Variants in PKIA observed in about 807,000 individuals in gnomAD.
PKIA encodes the protein cAMP-dependent protein kinase inhibitor alpha.
A neutral mutation model predicts 7.6 loss-of-function variants in PKIA; 4 were observed. The observed-to-expected ratio is 0.52, with a 90% CI of 0.26 to 1.20. The LOEUF (loss-of-function observed/expected upper bound fraction) is 1.20, where lower values mean the gene tolerates loss of function less well. Among genes scored for constraint, PKIA ranks in the 50% most tolerant of loss-of-function variants. The pLI is 0.13. For missense variants in PKIA, 73 were observed against 86.2 expected (o/e 0.85, Z 0.61); for synonymous variants, 21 against 30.7 (o/e 0.68, Z 1.04).
At chr8:78,597,616 T>G (rs932526993) in intron 2 of PKIA, among the ~76,000 whole-genome samples, 1 of 152,116 alleles carries the variant, frequency 6.6e-6, no homozygotes, top group Admixed American at 6.6e-5. Context: ...CTCTCTGGAG[T>G]TGAAGAATGA....
At chr8:78,532,712 G>T (rs1806418865) in intron 1 of PKIA, among the ~76,000 whole-genome samples, 1 of 151,896 alleles carries the variant, frequency 6.6e-6, no homozygotes, top group Admixed American at 6.6e-5. Context: ...ATCAAGACCA[G>T]CCTGGCCAAC....
intron 2 of PKIA, among the ~76,000 whole-genome samples, chr8:78,582,447 C>A (rs1807835151): frequency 6.6e-6 from 1 of 152,110 alleles, no homozygotes; most frequent in African/African-American, 2.4e-5. Context: ...CACTCACTAT[C>A]ACGAGAACAG....
chr8:78,555,345 G>GT (rs958630001), intron 1 of PKIA, among the ~76,000 whole-genome samples: 9 of 148,566 alleles, frequency 6.1e-5, no homozygotes, highest in African/African-American at 1.8e-4. Context: ...TCAGACTGAG[G>GT]TAAAAAAAAA....
chr8:78,537,257 T>C (rs1185959066), intron 1 of PKIA, among the ~76,000 whole-genome samples: 7 of 152,066 alleles, frequency 4.6e-5, no homozygotes, highest in Admixed American at 2.0e-4. Context: ...TAGAAAATTA[T>C]TTGGATTTAT....
chr8:78,573,788 C>T (rs1210187136), intron 2 of PKIA, among the ~76,000 whole-genome samples: 1 of 151,900 alleles, frequency 6.6e-6, no homozygotes, highest in African/African-American at 2.4e-5. Flanking sequence ...AGTCTCAGAA[C>T]CCAGTACTAT....
chr8:78,576,399 C>T (rs1485411874), intron 2 of PKIA, among the ~76,000 whole-genome samples: 1 of 151,880 alleles, frequency 6.6e-6, no homozygotes, highest in Non-Finnish European at 1.5e-5. Context: ...CTTGTATCTA[C>T]CATCTTGCTA....
At chr8:78,596,136 C>T (rs780914243) in intron 2 of PKIA, among the ~76,000 whole-genome samples, 1 of 151,974 alleles carries the variant, frequency 6.6e-6, no homozygotes, top group Non-Finnish European at 1.5e-5. Context: ...GCCAGTTTTT[C>T]GTATGCTTGT....
intron 1 of PKIA, among the ~76,000 whole-genome samples, chr8:78,569,431 G>A (rs576832031): frequency 1.4e-4 from 22 of 152,194 alleles, no homozygotes; most frequent in Admixed American, 6.5e-4. Flanking sequence ...GTGAGTCAGC[G>A]TCCCTCTGTT....
intron 1 of PKIA, among the ~76,000 whole-genome samples, chr8:78,572,492 T>C (rs939368522): frequency 2.7e-5 from 4 of 147,686 alleles, no homozygotes; most frequent in Non-Finnish European, 5.9e-5. Flanking sequence ...CACTGACTAG[T>C]AGTCAACAGA....
intron 2 of PKIA, among the ~76,000 whole-genome samples, chr8:78,581,164 T>A (rs1396533861): frequency 1.3e-5 from 2 of 151,990 alleles, no homozygotes; most frequent in South Asian, 2.1e-4. Context: ...TAGAACATAT[T>A]GTTCCAAGAA....
At chr8:78,574,843 G>GT (rs1807636394) in intron 2 of PKIA, among the ~76,000 whole-genome samples, 1 of 151,864 alleles carries the variant, frequency 6.6e-6, no homozygotes, top group African/African-American at 2.4e-5. Context: ...AACAGGAGAT[G>GT]TAGCTATCAT....
intron 2 of PKIA, among the ~76,000 whole-genome samples, chr8:78,575,587 A>C (rs1807654921): frequency 6.6e-6 from 1 of 152,004 alleles, no homozygotes; most frequent in Admixed American, 6.6e-5. Flanking sequence ...CATGTATTTT[A>C]ATGCCTCCTA....
chr8:78,555,844 C>A lies in PKIA; in HGVS notation c.-156-16967C>A, dbSNP rs565096860. Among the ~76,000 whole-genome samples, 83 of 152,142 alleles carry A rather than the reference C, an allele frequency of 5.5e-4. 2 individuals are homozygous for A. In the South Asian group the frequency reaches 0.016, roughly 30 times the overall value. ...AGAAACTATTAACTTCAAAATCATT[C>A]TATTGCTATATTAAGTCATATTTGA... On this transcript the variant is annotated intron_variant, in intron 1 of 3. Coordinates refer to ENST00000396418, the MANE Select transcript of PKIA (RefSeq NM_006823.4).
intron 1 of PKIA, among the ~76,000 whole-genome samples, chr8:78,560,158 C>T (rs1301726186): frequency 6.6e-6 from 1 of 152,198 alleles, no homozygotes; most frequent in Admixed American, 6.5e-5. Context: ...AGTCGTTAGC[C>T]TTTAAAACTA....
At chr8:78,524,182 TTATATA>T (rs1342859825) in intron 1 of PKIA, among the ~76,000 whole-genome samples, 1 of 135,274 alleles carries the variant, frequency 7.4e-6, no homozygotes, top group Non-Finnish European at 1.5e-5. Flanking sequence ...ACATTTATAT[TTATATA>T]TAAACATTTA....
intron 2 of PKIA, among the ~76,000 whole-genome samples, chr8:78,578,205 T>C (rs1807722129): frequency 1.3e-5 from 2 of 152,176 alleles, no homozygotes; most frequent in Admixed American, 6.6e-5. Flanking sequence ...TCATTTCATA[T>C]GTAAACTTTA....
At chr8:78,542,036 C>T (rs1806706825) in intron 1 of PKIA, among the ~76,000 whole-genome samples, 1 of 151,926 alleles carries the variant, frequency 6.6e-6, no homozygotes, top group Admixed American at 6.6e-5. Flanking sequence ...ATCAGCTGGG[C>T]ATGGTGGTGT....
chr8:78,523,189 G>A (rs111536149), intron 1 of PKIA, among the ~76,000 whole-genome samples: 82 of 151,860 alleles, frequency 5.4e-4, no homozygotes, highest in Non-Finnish European at 4.4e-4. Context: ...AGGGTTGCTA[G>A]AACATTTATT....
intron 2 of PKIA, among the ~76,000 whole-genome samples, chr8:78,577,886 T>A (rs1195377066): frequency 1.3e-5 from 2 of 151,996 alleles, no homozygotes; most frequent in Non-Finnish European, 2.9e-5. Context: ...AAAGTTTTGA[T>A]TGTTTTCTCT....
Sources: allele counts gnomAD v4.1 joint callset (sites outside exome capture counted in the v4.1 genomes callset), GRCh38; gene constraint gnomAD v4.1.1; transcripts MANE v1.5; gene names NCBI Gene and HGNC (gene_info 2026-07-23, HGNC 2026-07-21).